NEK10: variants seen among roughly 807,000 people sequenced by gnomAD.
NEK10 encodes NIMA related kinase 10.
In NEK10, 122 loss-of-function variants were observed where a neutral mutation model predicts 159.8. The ratio of observed to expected loss-of-function variants is 0.76; its 90% CI spans 0.66 to 0.89. NEK10 has a LOEUF of 0.89. NEK10 is among the 40% of genes least tolerant of loss of function. NEK10 has a pLI of 0.00. For missense variants in NEK10, 1,342 were observed against 1,323.1 expected (o/e 1.01, Z -0.22); for synonymous variants, 466 against 457.1 (o/e 1.02, Z -0.25).
In NEK10 at chr3:27,346,561, T is replaced by C. The variant is rs375129394; in HGVS notation, c.133-345A>G. ...ATTACCCCAGCACCTAAAACAGATA[T>C]AGGTTTGGGGTGACACCTGGGCATC... On this transcript the variant is annotated intron_variant, in intron 3 of 35. Transcript: ENST00000691995. Among the ~76,000 whole-genome samples the C allele has an allele frequency of 4.6e-5, 7 of 152,288 alleles. No individual in the cohort carries two copies. The East Asian group carries it at 5.8e-4, about 13-fold the overall frequency.
intron 23 of NEK10, 178 bp from the exon 24 acceptor site, chr3:27,202,735 G>A (rs969453207): frequency 4.8e-6 from 2 of 419,780 alleles, no homozygotes; most frequent in Non-Finnish European, 6.4e-6. Context: ...AGATGAACCA[G>A]GAAGCATATC....
intron 26 of NEK10, among the ~76,000 whole-genome samples, chr3:27,182,144 T>C (rs1472328329): frequency 6.6e-6 from 1 of 152,148 alleles, no homozygotes; most frequent in Non-Finnish European, 1.5e-5. Context: ...ATGATGATTA[T>C]ACTTAATAAC....
intron 22 of NEK10, among the ~76,000 whole-genome samples, chr3:27,259,454 A>C (rs2040200692): frequency 6.6e-6 from 1 of 152,192 alleles, no homozygotes; most frequent in Non-Finnish European, 1.5e-5. Context: ...GAGTTTTCCC[A>C]GCACCGTTTA....
intron 31 of NEK10, among the ~76,000 whole-genome samples, chr3:27,138,411 G>C (rs1436580991): frequency 6.6e-6 from 1 of 152,164 alleles, no homozygotes; most frequent in Admixed American, 6.5e-5. Flanking sequence ...GATCTTTTCA[G>C]TAAGGTCAGG....
At chr3:27,144,046 T>C (rs1168902303) in intron 30 of NEK10, among the ~76,000 whole-genome samples, 2 of 152,234 alleles carry the variant, frequency 1.3e-5, no homozygotes, top group South Asian at 2.1e-4. Context: ...GCTACTATTA[T>C]GGAAAATCTA....
intron 26 of NEK10, among the ~76,000 whole-genome samples, chr3:27,179,538 T>G (rs1049542506): frequency 6.6e-6 from 1 of 152,184 alleles, no homozygotes; most frequent in Non-Finnish European, 1.5e-5. Context: ...GGATTTTCTA[T>G]CACTTTTAAC....
chr3:27,132,038 C>CAA, intron 31 of NEK10, 48 bp from the exon 32 acceptor site: 1 of 1,045,450 alleles, frequency 9.6e-7, no homozygotes, highest in African/African-American at 1.6e-5. Context: ...GTTAACACTA[C>CAA]ACAGCTGACT....
At chr3:27,345,738 C>T (rs1027367873) in intron 4 of NEK10, among the ~76,000 whole-genome samples, 9 of 152,150 alleles carry the variant, frequency 5.9e-5, no homozygotes, top group Non-Finnish European at 1.2e-4. Context: ...TTCACAGCAA[C>T]GGCTCCTTTT....
chr3:27,284,737 T>TC lies in NEK10; in HGVS notation c.1912-34dup, dbSNP rs775666919. Reference sequence around the variant, plus strand: ...CAATGAATAGAAAACAAATTTTATTTCCCCCAACATACATATAGCCAAAGA... The same window carrying TC: ...CAATGAATAGAAAACAAATTTTATTTCCCCCCAACATACATATAGCCAAAGA... On this transcript the variant is annotated intron_variant, in intron 21 of 35. Transcript: ENST00000691995. 9.7e-6 allele frequency: 15 copies of TC among 1,543,762 alleles called. 2 individuals are homozygous for TC. In the South Asian group the frequency reaches 1.6e-4, roughly 16 times the overall value.
chr3:27,135,019 T>C (rs771081279), intron 31 of NEK10, among the ~76,000 whole-genome samples: 10 of 152,214 alleles, frequency 6.6e-5, no homozygotes, highest in Non-Finnish European at 1.5e-4. Flanking sequence ...AAAGACATTA[T>C]GTAACATGCA....
intron 10 of NEK10, among the ~76,000 whole-genome samples, chr3:27,308,174 A>G (rs1222347422): frequency 6.6e-6 from 1 of 152,204 alleles, no homozygotes; most frequent in Non-Finnish European, 1.5e-5. Flanking sequence ...AGCAGGAAGG[A>G]TAAGTGCCGA....
chr3:27,278,891 C>T (rs2041953709), intron 22 of NEK10: 43 of 984,878 alleles, frequency 4.4e-5, no homozygotes, highest in Non-Finnish European at 5.2e-5. Flanking sequence ...CAAATGTTGA[C>T]TGTGTCTCAC....
rs1002243810 is a variant in NEK10 at position 27,369,272 on chromosome 3, T to A, written c.-85A>T. 2.0e-5 allele frequency: 3 copies of A among 152,488 alleles called. No homozygotes were observed. The highest frequency in any genetic ancestry group is 1.3e-4 in the Admixed American group (2 of 15,274). The allele number at this position is 152,488 out of a possible 1,614,324, so 9.4% of individuals were successfully genotyped here. A position where few individuals can be genotyped will look rare whatever the true frequency, so the allele number is the denominator to read the frequency against. On this transcript the variant is annotated 5_prime_UTR_variant, in exon 1 of 36. Transcript: ENST00000691995. This position sits in a 1 kb window ranked among gnomAD's most constrained non-coding sequence, Gnocchi z 4.2. ...CTTCAGGCCAATCTCCTTATCATTG[T>A]CCCTGCTGCTGTCACCTGCTGCTGC...
chr3:27,183,790 C>T (rs1467138158), intron 26 of NEK10, among the ~76,000 whole-genome samples: 1 of 152,048 alleles, frequency 6.6e-6, no homozygotes, highest in East Asian at 1.9e-4. Flanking sequence ...AGATATTTAA[C>T]ACATACACAT....
chr3:27,126,585 C>G (rs1471850149), intron 32 of NEK10, among the ~76,000 whole-genome samples: 2 of 152,108 alleles, frequency 1.3e-5, no homozygotes, highest in African/African-American at 4.8e-5. Context: ...GCAGCCATCA[C>G]CTGGAAGATG....
At chr3:27,279,210 A>G (rs2041977568) in intron 22 of NEK10, among the ~76,000 whole-genome samples, 1 of 152,196 alleles carries the variant, frequency 6.6e-6, no homozygotes, top group African/African-American at 2.4e-5. Flanking sequence ...GAAGATGAAA[A>G]TTTTAGTTTT....
chr3:27,222,162 C>G (rs1003535413), intron 23 of NEK10, among the ~76,000 whole-genome samples: 2 of 152,112 alleles, frequency 1.3e-5, no homozygotes, highest in Admixed American at 6.5e-5. Context: ...CACCTGAGGT[C>G]AAGAGTTCAA....
intron 25 of NEK10, among the ~76,000 whole-genome samples, chr3:27,193,267 T>A (rs910768080): frequency 2.6e-5 from 4 of 152,204 alleles, no homozygotes; most frequent in African/African-American, 9.6e-5. Flanking sequence ...TATTACAACG[T>A]CACTTACTTG....
intron 13 of NEK10, among the ~76,000 whole-genome samples, chr3:27,299,102 C>T (rs913562727): frequency 6.6e-6 from 1 of 152,198 alleles, no homozygotes; most frequent in African/African-American, 2.4e-5. Flanking sequence ...GAGAAAATTT[C>T]TCCAGGGTGT....
Sources: gnomAD v4.1 joint callset for allele counts (sites outside exome capture counted in the v4.1 genomes callset) on GRCh38, gnomAD v4.1.1 for gene constraint, Gnocchi (gnomAD v3.1) non-coding constraint, MANE v1.5 for transcripts, NCBI Gene and HGNC (gene_info 2026-07-23, HGNC 2026-07-21) for gene names.